PCK2: variants seen among roughly 807,000 people sequenced by gnomAD.
The protein encoded by PCK2 is phosphoenolpyruvate carboxykinase [GTP], mitochondrial.
In PCK2, 56 loss-of-function variants were observed where a neutral mutation model predicts 65.9. That is an observed-to-expected ratio of 0.85 (90% confidence interval 0.69 to 1.06). PCK2 has a LOEUF of 1.06. Ranked by LOEUF, PCK2 falls within the 50% of genes least tolerant of loss-of-function variation. PCK2 has a pLI of 0.00. For synonymous variants in PCK2, 305 were observed against 319.6 expected (o/e 0.95, Z 0.49); for missense variants, 843 against 863.1 (o/e 0.98, Z 0.29).
At chr14:24,097,885 C>T (rs548007091) in intron 2 of PCK2, among the ~76,000 whole-genome samples, 3 of 152,238 alleles carry the variant, frequency 2.0e-5, no homozygotes, top group South Asian at 2.1e-4. Flanking sequence ...TGAGCCACTG[C>T]GCCCAGCCTA....
At position 24,102,702 on chromosome 14, in the gene PCK2, T is replaced by C. The variant is rs916154; in HGVS notation, c.1235-51T>C. The C allele has an allele frequency of 3.7e-3, 5,785 of 1,548,474 alleles. 187 individuals carry two copies. In the African/African-American group the frequency reaches 0.072, roughly 19 times the overall value. ...AATGTGTGCCCATGTATGTGTGTGT[T>C]GGGGGTCGACATGACCTTGGAAATA... On this transcript the variant is annotated intron_variant, in intron 7 of 9. Coordinates refer to ENST00000216780, the MANE Select transcript of PCK2 (RefSeq NM_004563.4).
intron 1 of PCK2, chr14:24,095,075 C>G (rs928235507): frequency 4.4e-5 from 20 of 456,024 alleles, no homozygotes; most frequent in Non-Finnish European, 5.7e-5. Flanking sequence ...CTGGAGCCCC[C>G]AGGCTCGTCC....
Position 24,104,095 on chromosome 14 carries a change from G to A in PCK2, c.*131G>A. 2 of 646,966 alleles carry A rather than the reference G, an allele frequency of 3.1e-6. No individual in the cohort carries two copies. The highest frequency in any genetic ancestry group is 1.9e-5 in the South Asian group (1 of 51,942). 40.1% of individuals were successfully genotyped at this position (646,966 alleles called of 1,614,324 possible). ...TGCCATAGACCTTCCCACAAAGACT[G>A]TCCAATAATAAGAGATGCTTATCTA... On this transcript the variant is annotated 3_prime_UTR_variant, in exon 10 of 10. Coordinates refer to ENST00000216780, the MANE Select transcript of PCK2 (RefSeq NM_004563.4).
rs770601445 is a variant in PCK2, at chr14:24,103,910, C to T, written c.1869C>T (p.Pro623=). ...CAGAGCAGGTCAACCAGGATCTGCC[C>T]AAAGAGGTGTTGGCTGAGCTTGAGG... The part of the protein sequence containing the change: ...YLTEQVNQDL[P]KEVLAELEAL... The change falls in exon 10 of 10, where the codon CCC becomes CCT. Residue 623 remains proline, a synonymous_variant. Transcript: ENST00000216780. 1.9e-6 allele frequency: 3 copies of T among 1,614,058 alleles called. No individual in the cohort carries two copies. In the Admixed American group the frequency reaches 5.0e-5, roughly 27 times the overall value.
chr14:24,102,556 C>T lies in PCK2; in HGVS notation c.1235-197C>T, dbSNP rs111287614. 5,403 of 580,152 alleles carry T rather than the reference C, an allele frequency of 9.3e-3. 141 individuals carry two copies. Among genetic ancestry groups the T allele is most frequent in the African/African-American group, 0.074 (3,957 of 53,832 alleles). The allele number at this position is 580,152 out of a possible 1,614,324, so 35.9% of individuals were successfully genotyped here. ...TCTTTTCTCACATAGCTCAGCTGGC[C>T]GCACCTTCATGGCTAAACAACCTGA... On this transcript the variant is annotated intron_variant, in intron 7 of 9. Coordinates refer to ENST00000216780, the MANE Select transcript of PCK2 (RefSeq NM_004563.4).
At position 24,103,232 on chromosome 14, in the gene PCK2, C is replaced by T; in HGVS notation, c.1445C>T (p.Ser482Phe). ...VFVGSAMRSE[S>F]TAAAEHKGKI... Reference sequence around the variant, plus strand: ...GTGGGCAGCGCCATGCGCTCTGAGTCCACTGCTGCAGCAGAACACAAAGGT... The same window carrying T: ...GTGGGCAGCGCCATGCGCTCTGAGTTCACTGCTGCAGCAGAACACAAAGGT... The change falls in exon 9 of 10, where the codon TCC becomes TTC. Residue 482 changes from serine (S) to phenylalanine (F), a missense_variant. Transcript: ENST00000216780. The T allele has an allele frequency of 6.2e-7, 1 of 1,613,764 alleles. No individual in the cohort carries two copies. The highest frequency in any genetic ancestry group is 2.2e-5 in the East Asian group (1 of 44,878).
chr14:24,103,359 T>C, intron 9 of PCK2, 104 bp downstream of exon 9: 2 of 1,143,972 alleles, frequency 1.7e-6, no homozygotes, highest in East Asian at 2.5e-5. Flanking sequence ...GAGTCTGATA[T>C]GGCCCCACCT....
rs774959532 is a variant in PCK2, at chr14:24,096,940, C to T, written c.78C>T (p.Ser26=). The T allele has an allele frequency of 6.2e-7, 1 of 1,613,606 alleles. No individual in the cohort carries two copies. Among genetic ancestry groups the T allele is most frequent in the South Asian group, 1.1e-5 (1 of 91,072 alleles). ...CCTTGGGCTGGCCATCATGCCGTAG[C>T]ATCCAGACCCTGCGAGTGCTTAGTG... ...LSPLGWPSCR[S]IQTLRVLSGD... The change falls in exon 2 of 10, where the codon AGC becomes AGT. Residue 26 remains serine, a synonymous_variant. Transcript: ENST00000216780.
chr14:24,094,884 A>C lies in PCK2; in HGVS notation c.29+450A>C. 1.2e-5 allele frequency: 15 copies of C among 1,243,504 alleles called. No homozygotes were observed. Among genetic ancestry groups the C allele is most frequent in the Admixed American group, 2.3e-5 (1 of 43,246 alleles). The allele number at this position is 1,243,504 out of a possible 1,614,324, so 77.0% of individuals were successfully genotyped here. The stretch of plus-strand genomic sequence containing the variant: ...GGGAGACTAAGCTCAGAGCCCCCTA[A>C]AGAAGGTGGAAGGTTAAATATCCAT... On this transcript the variant is annotated intron_variant, in intron 1 of 9. Transcript: ENST00000216780. This position sits in a 1 kb window ranked among gnomAD's most constrained non-coding sequence, Gnocchi z 4.1.
Position 24,095,896 on chromosome 14 carries a change from G to C in PCK2, c.30-996G>C, listed in dbSNP as rs577074694. On this transcript the variant is annotated intron_variant, in intron 1 of 9. Transcript: ENST00000216780. ...CCGCAGAGTTCAGAAATACTTACCC[G>C]AGGGCAACATTTTATGCAACCATTG... Among the ~76,000 whole-genome samples the C allele has an allele frequency of 9.7e-4, 147 of 152,250 alleles. 3 individuals are homozygous for C. Among genetic ancestry groups the C allele is most frequent in the South Asian group, 1.9e-3 (9 of 4,822 alleles).
In PCK2 at chr14:24,103,797, G is replaced by A. The variant is rs61737098; in HGVS notation, c.1756G>A (p.Gly586Ser). Residue 586 changes from glycine (G) to serine (S), a missense_variant, in exon 10 of 10, where the codon GGC (glycine) becomes AGC (serine). By Grantham distance (56) the Gly-to-Ser change is moderately conservative. Coordinates refer to ENST00000216780, the MANE Select transcript of PCK2 (RefSeq NM_004563.4). ...AAAGGAAGGAGCCTTGGATCTCAGC[G>A]GCCTCAGAGCTATAGACACCACTCA... ...VPKEGALDLS[G>S]LRAIDTTQLF... 2.7e-3 allele frequency: 4,379 copies of A among 1,614,116 alleles called. 14 individuals carry two copies. Among genetic ancestry groups the A allele is most frequent in the Middle Eastern group, 5.6e-3 (34 of 6,062 alleles).
rs2037049386 is a variant in PCK2 at position 24,099,249 on chromosome 14, TGAGA to T, written c.852+14_852+17del. 11 of 1,583,432 alleles carry T rather than the reference TGAGA, an allele frequency of 6.9e-6. No homozygotes were observed. Among genetic ancestry groups the T allele is most frequent in the Non-Finnish European group, 8.6e-6 (10 of 1,166,292 alleles). ...AGAGCACATGCTGGTGAGGGCCTGGTGAGAAGCAGGGCAGCTGCCGGGGACAGGG... is the reference window on the plus strand; with the variant it reads ...AGAGCACATGCTGGTGAGGGCCTGGTAGCAGGGCAGCTGCCGGGGACAGGG... On this transcript the variant is annotated intron_variant, in intron 5 of 9. Transcript: ENST00000216780.
At chr14:24,096,261 C>CA (rs1257812416) in intron 1 of PCK2, among the ~76,000 whole-genome samples, 1 of 96,880 alleles carries the variant, frequency 1.0e-5, no homozygotes, top group East Asian at 3.4e-4. Flanking sequence ...TTTTTTGAGA[C>CA]AGAGTCTTGC....
intron 1 of PCK2, among the ~76,000 whole-genome samples, chr14:24,095,564 C>G (rs998044003): frequency 7.2e-5 from 11 of 152,200 alleles, no homozygotes; most frequent in African/African-American, 2.7e-4. Context: ...TCCACCCTCC[C>G]ACCAACACCA....
Position 24,098,517 on chromosome 14 carries a change from G to C in PCK2, c.503G>C (p.Gly168Ala). The C allele has an allele frequency of 6.2e-7, 1 of 1,614,138 alleles. No homozygotes were observed. The highest frequency in any genetic ancestry group is 8.5e-7 in the Non-Finnish European group (1 of 1,179,998). ...YVLPFSMGPV[G>A]SPLSRIGVQL... ...CTTCCATTCAGCATGGGTCCTGTGG[G>C]CTCCCCGCTGTCCCGCATCGGGGTG... Residue 168 changes from glycine (G) to alanine (A), a missense_variant, in exon 4 of 10, where the codon GGC (glycine) becomes GCC (alanine). Gly to Ala is a moderately conservative substitution (Grantham distance 60, BLOSUM62 0). Transcript: ENST00000216780.
rs2037208801 is a variant in PCK2, at chr14:24,102,693, T to C, written c.1235-60T>C. On this transcript the variant is annotated intron_variant, in intron 7 of 9. Transcript: ENST00000216780. Reference sequence around the variant, plus strand: ...CCCTGCAAGAATGTGTGCCCATGTATGTGTGTGTTGGGGGTCGACATGACC... The same window carrying C: ...CCCTGCAAGAATGTGTGCCCATGTACGTGTGTGTTGGGGGTCGACATGACC... 4 of 1,432,620 alleles carry C rather than the reference T, an allele frequency of 2.8e-6. No homozygotes were observed. The South Asian group carries it at 3.6e-5, about 13-fold the overall frequency. 88.7% of individuals were successfully genotyped at this position (1,432,620 alleles called of 1,614,324 possible).
chr14:24,103,500 T>C lies in PCK2; in HGVS notation c.1469-10T>C, dbSNP rs190213824. ...AGGAAGATTCCTTACCCATCTTGCTTCCCCCCCAGGGAAGATCATCATGCA... is the reference window on the plus strand; with the variant it reads ...AGGAAGATTCCTTACCCATCTTGCTCCCCCCCCAGGGAAGATCATCATGCA... On this transcript the variant is annotated splice_polypyrimidine_tract_variant and intron_variant, in intron 9 of 9. Coordinates refer to ENST00000216780, the MANE Select transcript of PCK2 (RefSeq NM_004563.4). The C allele has an allele frequency of 2.7e-3, 4,165 of 1,534,364 alleles. 4 individuals are homozygous for C. Among genetic ancestry groups the C allele is most frequent in the Non-Finnish European group, 3.0e-3 (3,457 of 1,141,184 alleles).
Position 24,094,943 on chromosome 14 carries a change from C to T in PCK2, c.29+509C>T. 1 of 1,039,882 alleles carries T rather than the reference C, an allele frequency of 9.6e-7. No individual in the cohort carries two copies. Among genetic ancestry groups the T allele is most frequent in the Non-Finnish European group, 1.3e-6 (1 of 770,094 alleles). 64.4% of individuals were successfully genotyped at this position (1,039,882 alleles called of 1,614,324 possible). ...TCTCCCGGACTGGAAGGACTGGAACCTGGCGGGAAGTCCAGAGCAGCCCGA... is the reference window on the plus strand; with the variant it reads ...TCTCCCGGACTGGAAGGACTGGAACTTGGCGGGAAGTCCAGAGCAGCCCGA... On this transcript the variant is annotated intron_variant, in intron 1 of 9. Coordinates refer to ENST00000216780, the MANE Select transcript of PCK2 (RefSeq NM_004563.4). The surrounding 1 kb of genome is among the most constrained non-coding windows in gnomAD (Gnocchi z 4.1).
chr14:24,094,485 C>T lies in PCK2; in HGVS notation c.29+51C>T, dbSNP rs1203166737. ...ACCCGCACCTTCCGCTGCGCTCGCCCCCTCGGGGCTGCCAGTGGCGCTCTC... is the reference window on the plus strand; with the variant it reads ...ACCCGCACCTTCCGCTGCGCTCGCCTCCTCGGGGCTGCCAGTGGCGCTCTC... On this transcript the variant is annotated intron_variant, in intron 1 of 9. Transcript: ENST00000216780. This position sits in a 1 kb window ranked among gnomAD's most constrained non-coding sequence, Gnocchi z 4.1. 6 of 1,485,486 alleles carry T rather than the reference C, an allele frequency of 4.0e-6. No individual in the cohort carries two copies. The highest frequency in any genetic ancestry group is 2.5e-5 in the East Asian group (1 of 39,442). 92.0% of individuals were successfully genotyped at this position (1,485,486 alleles called of 1,614,324 possible).
Sources: gnomAD v4.1 joint callset for allele counts (sites outside exome capture counted in the v4.1 genomes callset) on GRCh38, gnomAD v4.1.1 for gene constraint, Gnocchi (gnomAD v3.1) non-coding constraint, MANE v1.5 for transcripts, NCBI Gene and HGNC (gene_info 2026-07-23, HGNC 2026-07-21) for gene names.